Variants in WWP2 observed in about 807,000 individuals in gnomAD.
The protein encoded by WWP2 is NEDD4-like E3 ubiquitin-protein ligase WWP2.
In WWP2, 57 loss-of-function variants were observed where a neutral mutation model predicts 121.0. The ratio of observed to expected loss-of-function variants is 0.47; its 90% CI spans 0.38 to 0.59. WWP2 has a LOEUF of 0.59. WWP2 is among the 20% of genes least tolerant of loss of function. The probability of loss-of-function intolerance (pLI) is 0.00; values close to 1 mark genes in which losing one functional copy is unlikely to be tolerated. For synonymous variants in WWP2, 449 were observed against 441.3 expected (o/e 1.02, Z -0.22); for missense variants, 962 against 1,158.9 (o/e 0.83, Z 2.47).
rs2056116873 is a variant in WWP2, at chr16:69,799,483, CT to C, written c.340+191del. 11 of 718,428 alleles carry C rather than the reference CT, an allele frequency of 1.5e-5. No individual in the cohort carries two copies. The East Asian group carries it at 3.3e-4, about 21-fold the overall frequency. The allele number at this position is 718,428 out of a possible 1,614,324, so 44.5% of individuals were successfully genotyped here. A position where few individuals can be genotyped will look rare whatever the true frequency, so the allele number is the denominator to read the frequency against. On this transcript the variant is annotated intron_variant, in intron 4 of 23. Coordinates refer to ENST00000359154, the MANE Select transcript of WWP2 (RefSeq NM_001270454.2). The surrounding 1 kb of genome is among the most constrained non-coding windows in gnomAD (Gnocchi z 4.5). ...TGCCTCCACTACAGAGTTTAGCCCT[CT>C]TTGTCCAGGGCCTCTAGTAATGTGA...
intron 8 of WWP2, among the ~76,000 whole-genome samples, chr16:69,894,667 G>A (rs1274453105): frequency 1.3e-5 from 2 of 152,306 alleles, no homozygotes; most frequent in Non-Finnish European, 2.9e-5. Flanking sequence ...TGAGATAGTG[G>A]TTCAGGCCGT....
At chr16:69,901,844 G>A (rs1015190703) in intron 8 of WWP2, among the ~76,000 whole-genome samples, 4 of 152,088 alleles carry the variant, frequency 2.6e-5, no homozygotes, top group African/African-American at 4.8e-5. Flanking sequence ...CCAGCTACTC[G>A]GGAGGCTGAG....
intron 4 of WWP2, among the ~76,000 whole-genome samples, chr16:69,812,467 A>AC (rs2056411447): frequency 4.3e-4 from 44 of 102,446 alleles, no homozygotes; most frequent in South Asian, 6.5e-4. Context: ...GCCTGCCCCC[A>AC]ACCCCCCCCC....
intron 2 of WWP2, among the ~76,000 whole-genome samples, chr16:69,798,316 T>C (rs111423074): frequency 0.012 from 1,836 of 152,306 alleles, 27 homozygotes; most frequent in African/African-American, 0.035. Flanking sequence ...AGTTAACATA[T>C]ACCTATTATG....
intron 1 of WWP2, among the ~76,000 whole-genome samples, chr16:69,764,847 G>A (rs1055534274): frequency 6.6e-6 from 1 of 152,144 alleles, no homozygotes; most frequent in Non-Finnish European, 1.5e-5. Context: ...TATAGTAAAC[G>A]ATCATATAAT....
chr16:69,869,609 C>T (rs2057595152), intron 6 of WWP2, among the ~76,000 whole-genome samples: 1 of 151,938 alleles, frequency 6.6e-6, no homozygotes, highest in Non-Finnish European at 1.5e-5. Context: ...CCTCCCAAAG[C>T]GTTGGGATTA....
intron 1 of WWP2, among the ~76,000 whole-genome samples, chr16:69,768,670 G>T (rs1365635698): frequency 6.6e-6 from 1 of 152,066 alleles, no homozygotes; most frequent in Non-Finnish European, 1.5e-5. Flanking sequence ...CTGACCTAGG[G>T]CCCGTCCTCT....
intron 4 of WWP2, among the ~76,000 whole-genome samples, chr16:69,812,161 C>CTTTTTTTTT (rs1021541952): frequency 3.7e-5 from 4 of 108,470 alleles, no homozygotes; most frequent in African/African-American, 7.5e-5. Context: ...GAGTACAGAC[C>CTTTTTTTTT]TTTTTTTTTT....
At chr16:69,908,634 C>T (rs546367776) in intron 8 of WWP2, 127 bp from the exon 9 acceptor site, 109 of 1,512,920 alleles carry the variant, frequency 7.2e-5, no homozygotes, top group Middle Eastern at 7.1e-4. Flanking sequence ...GCCATTGGGT[C>T]GGCCTCGCAT....
intron 9 of WWP2, 45 bp downstream of exon 9, chr16:69,908,895 A>G (rs748546013): frequency 6.2e-6 from 10 of 1,613,392 alleles, no homozygotes; most frequent in South Asian, 1.1e-5. Context: ...AACTGACACC[A>G]TGAGTCACCC....
At position 69,849,482 on chromosome 16, in the gene WWP2, TATTC is replaced by T. The variant is rs10632935; in HGVS notation, c.575+7392_575+7395del. On this transcript the variant is annotated intron_variant, in intron 6 of 23. Transcript: ENST00000359154. ...AATAAGTGTTATTTATTTATTTATTTATTCATTCATTCATTCATTCATTCATTCA... is the reference window on the plus strand; with the variant it reads ...AATAAGTGTTATTTATTTATTTATTTATTCATTCATTCATTCATTCATTCA... Among the ~76,000 whole-genome samples the T allele has an allele frequency of 2.9e-3, 437 of 149,664 alleles. 2 individuals carry two copies. Among genetic ancestry groups the T allele is most frequent in the Non-Finnish European group, 4.5e-3 (303 of 67,616 alleles).
chr16:69,829,273 G>A (rs949226452), intron 4 of WWP2, among the ~76,000 whole-genome samples: 1 of 151,966 alleles, frequency 6.6e-6, no homozygotes, highest in Admixed American at 6.6e-5. Flanking sequence ...CTTTCCTCCG[G>A]CTTGTTTTCC....
At chr16:69,893,887 A>G (rs1219378815) in intron 8 of WWP2, among the ~76,000 whole-genome samples, 1 of 152,084 alleles carries the variant, frequency 6.6e-6, no homozygotes, top group Non-Finnish European at 1.5e-5. Flanking sequence ...CTCTTCCTGC[A>G]CTGGCAGATA....
intron 9 of WWP2, 45 bp downstream of exon 9, chr16:69,908,895 A>T (rs748546013): frequency 1.2e-6 from 2 of 1,613,510 alleles, no homozygotes; most frequent in East Asian, 4.5e-5. Flanking sequence ...AACTGACACC[A>T]TGAGTCACCC....
intron 7 of WWP2, among the ~76,000 whole-genome samples, chr16:69,874,960 T>G (rs2057709782): frequency 6.6e-6 from 1 of 151,760 alleles, no homozygotes. Flanking sequence ...AGGCAGATGT[T>G]GCAGTGAGCT....
chr16:69,895,280 G>A (rs538572544), intron 8 of WWP2: 1 of 152,348 alleles, frequency 6.6e-6, no homozygotes, highest in African/African-American at 2.4e-5. Flanking sequence ...ACTAGCCAAA[G>A]AGTCTTACCC....
chr16:69,810,600 T>C (rs565841043), intron 4 of WWP2, among the ~76,000 whole-genome samples: 10 of 148,416 alleles, frequency 6.7e-5, no homozygotes, highest in Admixed American at 6.7e-5. Flanking sequence ...GCTAATTTTT[T>C]GTATTTTTTT....
At chr16:69,874,582 G>T (rs1314520321) in intron 7 of WWP2, among the ~76,000 whole-genome samples, 2 of 152,148 alleles carry the variant, frequency 1.3e-5, no homozygotes, top group African/African-American at 4.8e-5. Flanking sequence ...GTGAATGGCA[G>T]CCCGTCTGTA....
chr16:69,880,505 G>T (rs1423089318), intron 7 of WWP2, among the ~76,000 whole-genome samples: 1 of 152,208 alleles, frequency 6.6e-6, no homozygotes, highest in East Asian at 1.9e-4. Flanking sequence ...ATGTAAGTAG[G>T]AACTGTGTTC....
Sources: gnomAD v4.1 joint callset for allele counts (sites outside exome capture counted in the v4.1 genomes callset) on GRCh38, gnomAD v4.1.1 for gene constraint, Gnocchi (gnomAD v3.1) non-coding constraint, MANE v1.5 for transcripts, NCBI Gene and HGNC (gene_info 2026-07-23, HGNC 2026-07-21) for gene names.